DAB1: variants seen among roughly 807,000 people sequenced by gnomAD.
DAB1 encodes DAB adaptor protein 1, also known as disabled homolog 1.
DAB1 carries 15 observed loss-of-function variants against 64.6 expected under a neutral mutation model. That is an observed-to-expected ratio of 0.23 (90% CI 0.16 to 0.36). The LOEUF (loss-of-function observed/expected upper bound fraction) is 0.36, where lower values mean the gene tolerates loss of function less well. DAB1 is among the 10% of genes least tolerant of loss of function. The pLI is 1.00. For missense variants in DAB1, 596 were observed against 706.7 expected, an observed-to-expected ratio of 0.84 and a Z score of 1.78; for synonymous variants, 235 against 251.9, an observed-to-expected ratio of 0.93 and a Z score of 0.64.
chr1:57,051,682 G>T (rs72903380), intron 9 of DAB1, among the ~76,000 whole-genome samples: 3,748 of 152,190 alleles, frequency 0.025, 149 homozygotes, highest in African/African-American at 0.085. Flanking sequence ...GTTATCTGGG[G>T]TTCCCAAACA....
At chr1:57,911,406 C>T (rs1325373428) in intron 5 of DAB1, among the ~76,000 whole-genome samples, 1 of 152,164 alleles carries the variant, frequency 6.6e-6, no homozygotes, top group East Asian at 1.9e-4. Context: ...AAGGGATTTC[C>T]TGTTTTCAGG....
At chr1:57,296,304 T>C (rs1360051412) in intron 1 of DAB1, among the ~76,000 whole-genome samples, 1 of 152,150 alleles carries the variant, frequency 6.6e-6, no homozygotes, top group Non-Finnish European at 1.5e-5. Flanking sequence ...TATAAATGTA[T>C]AGGTATGAAT....
At chr1:57,533,236 T>C (rs1254834021) in intron 7 of DAB1, among the ~76,000 whole-genome samples, 3 of 152,142 alleles carry the variant, frequency 2.0e-5, no homozygotes, top group Non-Finnish European at 4.4e-5. Flanking sequence ...AGTTCCATTT[T>C]CCTCACCATA....
chr1:57,494,253 A>ATTT (rs11379381), intron 7 of DAB1, among the ~76,000 whole-genome samples: 19 of 147,434 alleles, frequency 1.3e-4, no homozygotes, highest in African/African-American at 4.0e-4. Flanking sequence ...AATTGTTACA[A>ATTT]TTTTTTTTTT....
At chr1:58,032,420 T>G (rs866767576) in intron 5 of DAB1, among the ~76,000 whole-genome samples, 13 of 152,154 alleles carry the variant, frequency 8.5e-5, no homozygotes, top group Admixed American at 5.9e-4. Context: ...GAATATCAAA[T>G]GTAAAGCATT....
At chr1:57,276,355 A>G (rs1671463944) in intron 2 of DAB1, among the ~76,000 whole-genome samples, 1 of 152,244 alleles carries the variant, frequency 6.6e-6, no homozygotes, top group Non-Finnish European at 1.5e-5. Flanking sequence ...AAACTGCTGT[A>G]ATCATTACTT....
At chr1:58,539,744 C>G (rs61781821) in intron 1 of DAB1, among the ~76,000 whole-genome samples, 21,490 of 152,156 alleles carry the variant, frequency 0.14, 1,743 homozygotes, top group African/African-American at 0.22. Context: ...TGATCCCTAA[C>G]AGATGGGAAA....
At chr1:58,332,765 A>C (rs1263198358) in intron 4 of DAB1, among the ~76,000 whole-genome samples, 1 of 152,216 alleles carries the variant, frequency 6.6e-6, no homozygotes, top group East Asian at 1.9e-4. Flanking sequence ...CAGGACTTGA[A>C]AAGGACTTAT....
At chr1:58,288,656 T>A (rs916243481) in intron 4 of DAB1, among the ~76,000 whole-genome samples, 1 of 152,202 alleles carries the variant, frequency 6.6e-6, no homozygotes, top group Non-Finnish European at 1.5e-5. Context: ...TGGTACATAA[T>A]AAGTGAAAAT....
At chr1:57,095,258 G>A (rs573307) in intron 4 of DAB1, among the ~76,000 whole-genome samples, 106,031 of 152,046 alleles carry the variant, frequency 0.7, 38,046 homozygotes, top group East Asian at 0.93. Context: ...TGAGGCAAGC[G>A]CCCTTTGTGT....
intron 1 of DAB1, among the ~76,000 whole-genome samples, chr1:57,371,444 A>G (rs1457831114): frequency 6.6e-6 from 1 of 152,232 alleles, no homozygotes; most frequent in Admixed American, 6.5e-5. Context: ...CTGGGATATA[A>G]AAGAGTAATA....
chr1:57,949,380 G>A (rs1243543587), intron 5 of DAB1, among the ~76,000 whole-genome samples: 2 of 152,106 alleles, frequency 1.3e-5, no homozygotes, highest in African/African-American at 4.8e-5. Flanking sequence ...CTCCTGCTGG[G>A]CAGCCCAGTT....
At chr1:58,389,696 T>C (rs1644461105) in intron 3 of DAB1, among the ~76,000 whole-genome samples, 1 of 152,230 alleles carries the variant, frequency 6.6e-6, no homozygotes. Flanking sequence ...ATGTTCAACC[T>C]GCACAGATTC....
chr1:58,124,554 T>A lies in DAB1; in HGVS notation n.387+25957A>T, dbSNP rs186600569. Among the ~76,000 whole-genome samples the A allele has an allele frequency of 7.9e-5, 12 of 152,288 alleles. No homozygotes were observed. The East Asian group carries it at 2.3e-3, about 29-fold the overall frequency. On this transcript the variant is annotated intron_variant and non_coding_transcript_variant, in intron 5 of 20. Coordinates refer to the DAB1 transcript ENST00000485760. ...ATATCTGCTTTTTTATTTGCATATT[T>A]GTGATGAATTATAGGTAATAAGCTA...
chr1:58,085,147 C>T (rs1650226221), intron 5 of DAB1, among the ~76,000 whole-genome samples: 1 of 152,096 alleles, frequency 6.6e-6, no homozygotes, highest in Non-Finnish European at 1.5e-5. Context: ...TTGTCTCTTA[C>T]TCAGGAGTGG....
At chr1:57,131,441 A>G (rs537061030) in intron 4 of DAB1, among the ~76,000 whole-genome samples, 122 of 152,294 alleles carry the variant, frequency 8.0e-4, no homozygotes, top group African/African-American at 2.6e-3. Context: ...AGTCCTGTGC[A>G]CTGTCTCACT....
intron 9 of DAB1, among the ~76,000 whole-genome samples, chr1:57,039,146 C>A (rs1647383718): frequency 6.6e-6 from 1 of 152,240 alleles, no homozygotes; most frequent in Admixed American, 6.5e-5. Flanking sequence ...GTTCAAACTG[C>A]TGCTCCATCA....
At chr1:57,958,259 T>G (rs1645438711) in intron 5 of DAB1, among the ~76,000 whole-genome samples, 1 of 152,178 alleles carries the variant, frequency 6.6e-6, no homozygotes, top group Non-Finnish European at 1.5e-5. Context: ...ATTACAGGAA[T>G]GAGCCACCGT....
intron 4 of DAB1, among the ~76,000 whole-genome samples, chr1:58,294,775 G>A (rs1661928590): frequency 6.6e-6 from 1 of 151,994 alleles, no homozygotes; most frequent in South Asian, 2.1e-4. Context: ...ATAGGCAGAA[G>A]CACATCTAGG....
Sources: gnomAD v4.1 joint callset for allele counts (sites outside exome capture counted in the v4.1 genomes callset) on GRCh38, gnomAD v4.1.1 for gene constraint, MANE v1.5 for transcripts, NCBI Gene and HGNC (gene_info 2026-07-23, HGNC 2026-07-21) for gene names.